The following PDSS2 variants were observed in gnomAD, a reference collection of about 807,000 sequenced individuals.
PDSS2 encodes the protein decaprenyl diphosphate synthase subunit 2, also known as all trans-polyprenyl-diphosphate synthase PDSS2.
PDSS2 carries 31 observed loss-of-function variants against 44.5 expected under a neutral mutation model. The ratio of observed to expected loss-of-function variants is 0.70; its 90% CI spans 0.52 to 0.94. PDSS2 has a LOEUF of 0.94. Ranked by LOEUF, PDSS2 falls within the 40% of genes least tolerant of loss-of-function variation. PDSS2 has a pLI of 0.00. For missense variants in PDSS2, 452 were observed against 482.2 expected, an observed-to-expected ratio of 0.94 and a Z score of 0.59; for synonymous variants, 157 against 180.3, an observed-to-expected ratio of 0.87 and a Z score of 1.03.
intron 1 of PDSS2, among the ~76,000 whole-genome samples, chr6:107,425,445 G>A (rs1780966710): frequency 1.3e-5 from 2 of 152,182 alleles, no homozygotes; most frequent in South Asian, 2.1e-4. Flanking sequence ...AGATGGAGAT[G>A]AGGAACTTGT....
At chr6:107,377,686 C>A (rs1350875778) in intron 1 of PDSS2, among the ~76,000 whole-genome samples, 1 of 152,032 alleles carries the variant, frequency 6.6e-6, no homozygotes, top group Admixed American at 6.6e-5. Flanking sequence ...CACATATACA[C>A]CATGGAATAC....
intron 1 of PDSS2, among the ~76,000 whole-genome samples, chr6:107,388,394 G>C (rs1453808025): frequency 6.6e-6 from 1 of 151,354 alleles, no homozygotes; most frequent in African/African-American, 2.4e-5. Context: ...ATGCTCCTAC[G>C]TATTTATTCA....
intron 2 of PDSS2, among the ~76,000 whole-genome samples, chr6:107,284,372 G>T (rs1776068923): frequency 6.6e-6 from 1 of 151,878 alleles, no homozygotes; most frequent in Non-Finnish European, 1.5e-5. Context: ...TTTAAAATTT[G>T]TTAACTGGCT....
At chr6:107,279,187 C>T (rs987450577) in intron 2 of PDSS2, among the ~76,000 whole-genome samples, 1 of 152,066 alleles carries the variant, frequency 6.6e-6, no homozygotes, top group African/African-American at 2.4e-5. Context: ...CCACTGCACT[C>T]CAGCCTGGGC....
At chr6:107,402,480 A>ATATATATACG (rs1491297924) in intron 1 of PDSS2, among the ~76,000 whole-genome samples, 1 of 18,202 alleles carries the variant, frequency 5.5e-5, no homozygotes, top group Non-Finnish European at 8.3e-5. Context: ...ATATGTATAC[A>ATATATATACG]TATATACGTA....
chr6:107,154,686 C>T lies in PDSS2; in HGVS notation c.1133G>A (p.Ser378Asn), dbSNP rs1582702860. Residue 378 changes from serine (S) to asparagine (N), a missense_variant, in exon 8 of 8, where the codon AGC becomes AAC. By Grantham distance (46) the Ser-to-Asn change is conservative. Transcript: ENST00000369037. ...HGNKALEALESFPPSEARSAL... is the reference protein window; with the variant it reads ...HGNKALEALENFPPSEARSAL... ...AGATCTGGCCTCCGAGGGAGGAAAG[C>T]TCTCCAGGGCCTCCAGTGCCTTGTT... The T allele has an allele frequency of 3.1e-6, 5 of 1,614,138 alleles. No individual in the cohort carries two copies. In the East Asian group the frequency reaches 6.7e-5, roughly 22 times the overall value.
intron 1 of PDSS2, among the ~76,000 whole-genome samples, chr6:107,415,387 T>TTA (rs752255077): frequency 2.0e-5 from 3 of 152,206 alleles, no homozygotes; most frequent in Middle Eastern, 3.4e-3. Context: ...CAGCTACAGA[T>TTA]TATAGGCACA....
intron 7 of PDSS2, among the ~76,000 whole-genome samples, chr6:107,170,392 C>T (rs1984471): frequency 0.42 from 63,859 of 152,004 alleles, 13,753 homozygotes; most frequent in African/African-American, 0.45. Context: ...TCGCTTGGCT[C>T]GGAAAGGGAA....
chr6:107,177,967 G>A (rs1313488607), intron 7 of PDSS2, among the ~76,000 whole-genome samples: 1 of 152,158 alleles, frequency 6.6e-6, no homozygotes. Context: ...TTAAGAGTGA[G>A]TTTCGGTTTC....
intron 1 of PDSS2, among the ~76,000 whole-genome samples, chr6:107,353,227 A>T (rs1285995663): frequency 6.6e-6 from 1 of 152,212 alleles, no homozygotes; most frequent in Non-Finnish European, 1.5e-5. Context: ...TACAGACACC[A>T]GGTTTGTATA....
At chr6:107,270,854 C>G (rs548271441) in intron 3 of PDSS2, among the ~76,000 whole-genome samples, 1 of 152,170 alleles carries the variant, frequency 6.6e-6, no homozygotes, top group East Asian at 1.9e-4. Context: ...AAAACCAAAC[C>G]ATTTGTAGAA....
At chr6:107,416,261 G>A (rs183329258) in intron 1 of PDSS2, among the ~76,000 whole-genome samples, 3 of 152,108 alleles carry the variant, frequency 2.0e-5, no homozygotes, top group African/African-American at 7.2e-5. Flanking sequence ...CAGCAGGCAC[G>A]ATGGGGACCC....
intron 2 of PDSS2, among the ~76,000 whole-genome samples, chr6:107,282,440 T>G (rs1487100916): frequency 2.6e-5 from 4 of 152,184 alleles, no homozygotes; most frequent in African/African-American, 9.6e-5. Context: ...TAGCCCAGGC[T>G]GGAGTACAGT....
At chr6:107,216,343 T>G (rs1237371862) in intron 4 of PDSS2, among the ~76,000 whole-genome samples, 1 of 150,958 alleles carries the variant, frequency 6.6e-6, no homozygotes, top group African/African-American at 2.4e-5. Context: ...CATGGTGAAG[T>G]ACTCCTGTAG....
At chr6:107,249,408 T>C (rs1177335299) in intron 3 of PDSS2, among the ~76,000 whole-genome samples, 1 of 152,204 alleles carries the variant, frequency 6.6e-6, no homozygotes, top group African/African-American at 2.4e-5. Flanking sequence ...AAGACCATTT[T>C]AACCAAAATC....
At chr6:107,167,841 G>A (rs1375978668) in intron 7 of PDSS2, among the ~76,000 whole-genome samples, 3 of 152,188 alleles carry the variant, frequency 2.0e-5, no homozygotes, top group Non-Finnish European at 4.4e-5. Flanking sequence ...TGGTCTGAGA[G>A]ACAGTTTGTT....
intron 1 of PDSS2, among the ~76,000 whole-genome samples, chr6:107,353,185 A>G (rs1778484550): frequency 6.6e-6 from 1 of 152,190 alleles, no homozygotes; most frequent in Non-Finnish European, 1.5e-5. Flanking sequence ...GATTTTTTAA[A>G]AGACTATGGC....
intron 7 of PDSS2, among the ~76,000 whole-genome samples, chr6:107,177,319 C>T (rs947695701): frequency 5.3e-5 from 8 of 151,834 alleles, no homozygotes; most frequent in Admixed American, 2.0e-4. Flanking sequence ...TTAGTAGAGA[C>T]GGGGTTTTGC....
chr6:107,353,420 G>A (rs1377030670), intron 1 of PDSS2, among the ~76,000 whole-genome samples: 8 of 152,164 alleles, frequency 5.3e-5, no homozygotes, highest in Admixed American at 5.2e-4. Context: ...GCTTTAAAAA[G>A]TCATAACCAT....
Sources: gnomAD v4.1 joint callset for allele counts (sites outside exome capture counted in the v4.1 genomes callset) on GRCh38, gnomAD v4.1.1 for gene constraint, MANE v1.5 for transcripts, NCBI Gene and HGNC (gene_info 2026-07-23, HGNC 2026-07-21) for gene names.